The following ARHGEF7 variants were observed in gnomAD, a reference collection of about 807,000 sequenced individuals.
ARHGEF7 encodes the protein Rho guanine nucleotide exchange factor 7, also known as PAK-interacting exchange factor beta.
A neutral mutation model predicts 109.8 loss-of-function variants in ARHGEF7; 33 were observed. The observed-to-expected ratio is 0.30, with a 90% CI of 0.23 to 0.40. The LOEUF (loss-of-function observed/expected upper bound fraction) is 0.40. ARHGEF7 is among the 10% of genes least tolerant of loss of function. ARHGEF7 has a pLI of 1.00. For synonymous variants in ARHGEF7, 458 were observed against 424.6 expected, an observed-to-expected ratio of 1.08 and a Z score of -0.97; for missense variants, 938 against 1,098.5, an observed-to-expected ratio of 0.85 and a Z score of 2.07.
intron 12 of ARHGEF7, 24 bp downstream of exon 12, chr13:111,275,702 C>T (rs1478721198): frequency 6.2e-7 from 1 of 1,613,842 alleles, no homozygotes; most frequent in East Asian, 2.2e-5. Context: ...CATGCACGCA[C>T]CAGGGTTTCT....
chr13:111,122,938 G>T (rs535040610), intron 1 of ARHGEF7, among the ~76,000 whole-genome samples: 2 of 152,332 alleles, frequency 1.3e-5, no homozygotes, highest in South Asian at 4.1e-4. Flanking sequence ...TCCAAGGCCT[G>T]TGCTGGGAGG....
chr13:111,125,408 T>C (rs1594827327), intron 1 of ARHGEF7, among the ~76,000 whole-genome samples: 1 of 149,640 alleles, frequency 6.7e-6, no homozygotes, highest in Non-Finnish European at 1.5e-5. Flanking sequence ...TAGGGGCTGG[T>C]GATCATCCTA....
intron 2 of ARHGEF7, among the ~76,000 whole-genome samples, chr13:111,164,166 T>C (rs1279334148): frequency 6.6e-6 from 1 of 152,228 alleles, no homozygotes; most frequent in Non-Finnish European, 1.5e-5. Context: ...ACTGTTTTGT[T>C]GAAACCTCAC....
At chr13:111,120,452 C>G (rs141311757) in intron 1 of ARHGEF7, among the ~76,000 whole-genome samples, 1 of 150,470 alleles carries the variant, frequency 6.6e-6, no homozygotes, top group Non-Finnish European at 1.5e-5. Flanking sequence ...CATGCACATA[C>G]GTAAACACAT....
At chr13:111,247,934 C>T (rs1267313953) in intron 8 of ARHGEF7, among the ~76,000 whole-genome samples, 2 of 152,200 alleles carry the variant, frequency 1.3e-5, no homozygotes, top group Non-Finnish European at 2.9e-5. Flanking sequence ...CCTAACCTCT[C>T]CATTCCCTGT....
intron 3 of ARHGEF7, among the ~76,000 whole-genome samples, chr13:111,206,740 T>C (rs927354902): frequency 6.6e-6 from 1 of 151,808 alleles, no homozygotes; most frequent in Non-Finnish European, 1.5e-5. Context: ...GGCGGGCGGA[T>C]CACGAGGTCA....
At chr13:111,243,800 C>T (rs1379751609) in intron 6 of ARHGEF7, 72 bp from the exon 7 acceptor site, 1 of 979,904 alleles carries the variant, frequency 1.0e-6, no homozygotes, top group Non-Finnish European at 1.6e-6. Context: ...GATGAACTGT[C>T]CAAAGTGTAT....
intron 4 of ARHGEF7, among the ~76,000 whole-genome samples, chr13:111,210,318 C>T (rs1232109527): frequency 1.3e-5 from 2 of 152,116 alleles, no homozygotes; most frequent in African/African-American, 2.4e-5. Context: ...ATCAGCTATG[C>T]ACATGTACAG....
In ARHGEF7 at chr13:111,209,812, T is replaced by C. The variant is rs560719874; in HGVS notation, c.338-60T>C. 6.9e-6 allele frequency: 11 copies of C among 1,587,680 alleles called. No individual in the cohort carries two copies. The South Asian group carries it at 1.0e-4, about 15-fold the overall frequency. On this transcript the variant is annotated intron_variant, in intron 3 of 21. Coordinates refer to ENST00000646102, the MANE Select transcript of ARHGEF7 (RefSeq NM_001354046.2). ...CCTAGTTTTAAAGTCTAGTGTGTAGTGTGGGTGCGTGGTATCAGGCGCTCT... is the reference window on the plus strand; with the variant it reads ...CCTAGTTTTAAAGTCTAGTGTGTAGCGTGGGTGCGTGGTATCAGGCGCTCT...
At chr13:111,231,521 C>A (rs143094061) in intron 5 of ARHGEF7, among the ~76,000 whole-genome samples, 2 of 149,308 alleles carry the variant, frequency 1.3e-5, no homozygotes, top group Non-Finnish European at 2.9e-5. Flanking sequence ...TTGAGGTAAA[C>A]GGCTCCACAG....
intron 2 of ARHGEF7, among the ~76,000 whole-genome samples, chr13:111,164,132 T>A (rs565737237): frequency 2.2e-4 from 34 of 152,280 alleles, no homozygotes; most frequent in African/African-American, 7.2e-4. Flanking sequence ...GAGAACAAAT[T>A]GTGTGTCTAG....
intron 8 of ARHGEF7, among the ~76,000 whole-genome samples, chr13:111,248,267 C>T (rs1369868141): frequency 2.0e-5 from 3 of 152,068 alleles, no homozygotes; most frequent in Non-Finnish European, 1.5e-5. Context: ...TGATGATGAC[C>T]TCCATTATAT....
intron 2 of ARHGEF7, among the ~76,000 whole-genome samples, chr13:111,162,664 G>A (rs1891959): frequency 0.99 from 151,322 of 152,334 alleles, 75,165 homozygotes; most frequent in Middle Eastern, 1. Flanking sequence ...ACCTGTTTCT[G>A]AAACACTCAT....
intron 4 of ARHGEF7, among the ~76,000 whole-genome samples, chr13:111,213,400 A>G (rs767400499): frequency 6.6e-6 from 1 of 152,186 alleles, no homozygotes; most frequent in Non-Finnish European, 1.5e-5. Flanking sequence ...TTGTGTGCAT[A>G]CAGCGTGATG....
intron 15 of ARHGEF7, among the ~76,000 whole-genome samples, chr13:111,282,308 T>C (rs1168800147): frequency 1.3e-5 from 2 of 152,216 alleles, no homozygotes; most frequent in African/African-American, 4.8e-5. Flanking sequence ...TGCACCTTAC[T>C]ATTGTTGGCT....
chr13:111,284,216 T>C (rs930082275), intron 16 of ARHGEF7, among the ~76,000 whole-genome samples: 1 of 152,122 alleles, frequency 6.6e-6, no homozygotes, highest in African/African-American at 2.4e-5. Flanking sequence ...GGTGACACGC[T>C]CTTGCCTGGC....
intron 1 of ARHGEF7, among the ~76,000 whole-genome samples, chr13:111,121,537 C>T (rs1390104755): frequency 2.0e-5 from 3 of 150,554 alleles, no homozygotes; most frequent in Admixed American, 2.0e-4. Flanking sequence ...GCCGTTTGTT[C>T]TTGTGTAGGG....
chr13:111,143,670 T>C (rs2075453653), intron 1 of ARHGEF7: 1 of 152,176 alleles, frequency 6.6e-6, no homozygotes, highest in East Asian at 1.9e-4. Context: ...TCTGTACTGC[T>C]CTCAGTTTTC....
intron 17 of ARHGEF7, among the ~76,000 whole-genome samples, chr13:111,286,843 C>T (rs1374516226): frequency 1.3e-5 from 2 of 152,212 alleles, no homozygotes; most frequent in Non-Finnish European, 2.9e-5. Context: ...GGGGTGACTG[C>T]TGGGAAGGGG....
Sources: allele counts gnomAD v4.1 joint callset (sites outside exome capture counted in the v4.1 genomes callset), GRCh38; gene constraint gnomAD v4.1.1; transcripts MANE v1.5; gene names NCBI Gene and HGNC (gene_info 2026-07-23, HGNC 2026-07-21).